MSRA: variants seen among roughly 807,000 people sequenced by gnomAD.
The protein encoded by MSRA is methionine sulfoxide reductase A, also known as mitochondrial peptide methionine sulfoxide reductase.
A neutral mutation model predicts 31.3 loss-of-function variants in MSRA; 54 were observed. The observed-to-expected ratio is 1.73, with a 90% CI of 1.39 to 2.17. The LOEUF (loss-of-function observed/expected upper bound fraction) is 2.17, where lower values mean the gene tolerates loss of function less well. Ranked by LOEUF, MSRA falls within the 30% of genes most tolerant of loss-of-function variation. The probability of loss-of-function intolerance (pLI) is 0.00; values close to 1 mark genes in which losing one functional copy is unlikely to be tolerated. For missense variants in MSRA, 507 were observed against 300.9 expected, an observed-to-expected ratio of 1.69 and a Z score of -5.07; for synonymous variants, 169 against 116.5, an observed-to-expected ratio of 1.45 and a Z score of -2.90.
intron 5 of MSRA, among the ~76,000 whole-genome samples, chr8:10,338,607 A>G (rs1035331562): frequency 1.3e-5 from 2 of 152,376 alleles, no homozygotes; most frequent in Admixed American, 1.3e-4. Context: ...ATAAAGATAT[A>G]CAGTTAGGAT....
rs532243734 is a variant in MSRA at position 10,301,631 on chromosome 8, G to A, written c.429G>A (p.Pro143=). 20 of 1,613,156 alleles carry A rather than the reference G, an allele frequency of 1.2e-5. No individual in the cohort carries two copies. Among genetic ancestry groups the A allele is most frequent in the South Asian group, 9.9e-5 (9 of 91,002 alleles). Residue 143 remains proline, a synonymous_variant, in exon 4 of 6, where the codon CCG becomes CCA. Coordinates refer to ENST00000317173, the MANE Select transcript of MSRA (RefSeq NM_012331.5). The part of the protein sequence containing the change: ...LLKVFWENHD[P]TQGMRQGNDH... Reference sequence around the variant, plus strand: ...AGGTCTTCTGGGAGAATCACGACCCGACCCAAGGTAGAGTGATGAGTGAGC... The same window carrying A: ...AGGTCTTCTGGGAGAATCACGACCCAACCCAAGGTAGAGTGATGAGTGAGC...
intron 1 of MSRA, among the ~76,000 whole-genome samples, chr8:10,148,127 G>T (rs1015739855): frequency 2.6e-5 from 4 of 152,194 alleles, no homozygotes; most frequent in Admixed American, 1.3e-4. Context: ...CGGCTCTGCA[G>T]CCGGAAAGGA....
At chr8:10,402,537 A>T (rs1563440129) in intron 5 of MSRA, among the ~76,000 whole-genome samples, 1 of 152,234 alleles carries the variant, frequency 6.6e-6, no homozygotes. Flanking sequence ...CCCATAGCCC[A>T]AGATGCCCAC....
intron 1 of MSRA, chr8:10,096,288 C>A: frequency 8.8e-7 from 1 of 1,138,262 alleles, no homozygotes; most frequent in Non-Finnish European, 1.1e-6. Context: ...GCTGAAGACA[C>A]CAGACTTCGC....
chr8:10,084,648 G>C (rs1798462220), intron 1 of MSRA, among the ~76,000 whole-genome samples: 1 of 152,168 alleles, frequency 6.6e-6, no homozygotes, highest in Non-Finnish European at 1.5e-5. Context: ...GGTGAAAAAT[G>C]GGGTTGATGA....
intron 5 of MSRA, among the ~76,000 whole-genome samples, chr8:10,324,441 C>T (rs188991295): frequency 2.6e-5 from 4 of 152,202 alleles, no homozygotes; most frequent in East Asian, 3.9e-4. Context: ...GAACATGGGA[C>T]GGCCACGGAA....
intron 3 of MSRA, among the ~76,000 whole-genome samples, chr8:10,247,562 C>T (rs1797688370): frequency 6.6e-6 from 1 of 152,286 alleles, no homozygotes; most frequent in African/African-American, 2.4e-5. Flanking sequence ...CCAGTTCATG[C>T]AAACAGCTGG....
intron 3 of MSRA, among the ~76,000 whole-genome samples, chr8:10,248,579 G>T (rs1797753229): frequency 6.6e-6 from 1 of 152,190 alleles, no homozygotes; most frequent in African/African-American, 2.4e-5. Flanking sequence ...GAGAGAGTGT[G>T]GATGTGAGTG....
At chr8:10,318,593 T>G in intron 4 of MSRA, among the ~76,000 whole-genome samples, 1 of 152,218 alleles carries the variant, frequency 6.6e-6, no homozygotes, top group East Asian at 1.9e-4. Flanking sequence ...TTTGGTTAAT[T>G]TTGCCCTCTG....
intron 2 of MSRA, among the ~76,000 whole-genome samples, chr8:10,208,456 G>A (rs559805692): frequency 1.3e-5 from 2 of 152,202 alleles, no homozygotes; most frequent in East Asian, 1.9e-4. Flanking sequence ...ATTCCAAACT[G>A]TTTGGTGAAG....
intron 1 of MSRA, among the ~76,000 whole-genome samples, chr8:10,110,662 A>T (rs1489739208): frequency 6.6e-6 from 1 of 152,182 alleles, no homozygotes; most frequent in African/African-American, 2.4e-5. Flanking sequence ...GATCTGTGTC[A>T]AATGTCTTGA....
rs1056997683 is a variant in MSRA, at chr8:10,054,356, A to G, written c.-161A>G. 1 of 610,298 alleles carries G rather than the reference A, an allele frequency of 1.6e-6. No individual in the cohort carries two copies. Among genetic ancestry groups the G allele is most frequent in the African/African-American group, 2.0e-5 (1 of 50,858 alleles). The allele number at this position is 610,298 out of a possible 1,614,324, so 37.8% of individuals were successfully genotyped here. On this transcript the variant is annotated 5_prime_UTR_variant, in exon 1 of 6. Transcript: ENST00000317173. ...GCCCCGGGTTTGGGCAACCTCGATT[A>G]CGGGCGGCCTCCAGCCCCGCCAGCA... is the stretch of plus-strand genomic sequence containing the variant.
At chr8:10,245,575 C>T (rs77012842) in intron 3 of MSRA, among the ~76,000 whole-genome samples, 237 of 152,256 alleles carry the variant, frequency 1.6e-3, no homozygotes, top group African/African-American at 5.6e-3. Flanking sequence ...TGGCTAAGGT[C>T]AACCTGTGGG....
At chr8:10,260,679 C>T (rs1798432019) in intron 3 of MSRA, among the ~76,000 whole-genome samples, 1 of 152,030 alleles carries the variant, frequency 6.6e-6, no homozygotes, top group South Asian at 2.1e-4. Context: ...GGGAAATGAA[C>T]AGCAGTTTGC....
intron 5 of MSRA, among the ~76,000 whole-genome samples, chr8:10,363,043 C>A (rs1372959805): frequency 6.6e-6 from 1 of 152,198 alleles, no homozygotes; most frequent in Non-Finnish European, 1.5e-5. Flanking sequence ...TGACCCTCGC[C>A]AGCCTCAGTC....
At chr8:10,161,301 C>T (rs994545605) in intron 1 of MSRA, among the ~76,000 whole-genome samples, 1 of 152,130 alleles carries the variant, frequency 6.6e-6, no homozygotes, top group African/African-American at 2.4e-5. Flanking sequence ...ATCCCCCAAC[C>T]CCCTGGCTGT....
At chr8:10,100,080 A>C (rs1277103185) in intron 1 of MSRA, among the ~76,000 whole-genome samples, 1 of 152,200 alleles carries the variant, frequency 6.6e-6, no homozygotes, top group Non-Finnish European at 1.5e-5. Context: ...TAGCTGCAGC[A>C]CTAGGGGCCT....
At chr8:10,202,306 G>T (rs1446858408) in intron 1 of MSRA, among the ~76,000 whole-genome samples, 1 of 152,166 alleles carries the variant, frequency 6.6e-6, no homozygotes, top group Admixed American at 6.5e-5. Flanking sequence ...ATAGAGCTGG[G>T]GTCATTTCTT....
intron 2 of MSRA, among the ~76,000 whole-genome samples, chr8:10,235,897 A>G (rs1410858849): frequency 6.6e-6 from 1 of 152,222 alleles, no homozygotes; most frequent in Admixed American, 6.5e-5. Flanking sequence ...AACGTAAATG[A>G]CAAAATCTGA....
Sources: gnomAD v4.1 joint callset for allele counts (sites outside exome capture counted in the v4.1 genomes callset) on GRCh38, gnomAD v4.1.1 for gene constraint, MANE v1.5 for transcripts, NCBI Gene and HGNC (gene_info 2026-07-23, HGNC 2026-07-21) for gene names.